Variants in LHFPL6 observed in about 807,000 individuals in gnomAD.
The protein encoded by LHFPL6 is LHFPL tetraspan subfamily member 6 protein.
In LHFPL6, 9 loss-of-function variants were observed where a neutral mutation model predicts 20.6. The observed-to-expected ratio is 0.44, with a 90% CI of 0.26 to 0.76. The LOEUF (loss-of-function observed/expected upper bound fraction) is 0.76, where lower values mean the gene tolerates loss of function less well. Ranked by LOEUF, LHFPL6 falls within the 30% of genes least tolerant of loss-of-function variation. The probability of loss-of-function intolerance (pLI) is 0.20; values close to 1 mark genes in which losing one functional copy is unlikely to be tolerated. For synonymous variants in LHFPL6, 105 were observed against 98.7 expected (o/e 1.06, Z -0.38); for missense variants, 218 against 253.5 (o/e 0.86, Z 0.95).
intron 2 of LHFPL6, among the ~76,000 whole-genome samples, chr13:39,395,379 C>T (rs761481337): frequency 9.2e-5 from 14 of 152,150 alleles, no homozygotes; most frequent in Non-Finnish European, 1.6e-4. Context: ...CATTTAAAGC[C>T]GCTTTTTATG....
intron 2 of LHFPL6, among the ~76,000 whole-genome samples, chr13:39,425,591 T>C (rs1871615747): frequency 6.6e-6 from 1 of 152,170 alleles, no homozygotes; most frequent in South Asian, 2.1e-4. Flanking sequence ...GAAGTGGTAG[T>C]GTATTGTGGT....
chr13:39,510,959 G>A (rs1352037325), intron 2 of LHFPL6, among the ~76,000 whole-genome samples: 3 of 151,366 alleles, frequency 2.0e-5, no homozygotes, highest in Non-Finnish European at 4.4e-5. Context: ...TGCAACCTCC[G>A]CCTCCCAGGT....
intron 2 of LHFPL6, among the ~76,000 whole-genome samples, chr13:39,510,872 A>ATTT (rs71245386): frequency 6.6e-6 from 1 of 150,466 alleles, no homozygotes; most frequent in African/African-American, 2.4e-5. Flanking sequence ...ATTACTTTAA[A>ATTT]TTTTTTTTTT....
chr13:39,429,570 T>G (rs1871733833), intron 2 of LHFPL6, among the ~76,000 whole-genome samples: 1 of 152,228 alleles, frequency 6.6e-6, no homozygotes. Flanking sequence ...AATCTTTGCC[T>G]GTATTTCTAT....
intron 2 of LHFPL6, among the ~76,000 whole-genome samples, chr13:39,462,916 T>C (rs761938772): frequency 1.3e-5 from 2 of 152,152 alleles, no homozygotes; most frequent in Non-Finnish European, 1.5e-5. Context: ...AGGAAAAGGC[T>C]TAGTCAAACC....
intron 2 of LHFPL6, among the ~76,000 whole-genome samples, chr13:39,455,022 A>T (rs1593319006): frequency 1.3e-5 from 2 of 152,060 alleles, no homozygotes; most frequent in East Asian, 3.9e-4. Flanking sequence ...CCACCCTGTG[A>T]GGGTACAGGG....
At chr13:39,466,017 C>T (rs968231086) in intron 2 of LHFPL6, among the ~76,000 whole-genome samples, 1 of 152,040 alleles carries the variant, frequency 6.6e-6, no homozygotes. Flanking sequence ...ATGGTCTTCC[C>T]TGGAGCCCTG....
intron 2 of LHFPL6, among the ~76,000 whole-genome samples, chr13:39,398,412 T>G (rs1870897503): frequency 6.6e-6 from 1 of 152,138 alleles, no homozygotes; most frequent in African/African-American, 2.4e-5. Flanking sequence ...ATTTACCAAA[T>G]AGTAAGAAAG....
chr13:39,501,040 G>C (rs1186072065), intron 2 of LHFPL6, among the ~76,000 whole-genome samples: 2 of 152,106 alleles, frequency 1.3e-5, no homozygotes, highest in Non-Finnish European at 2.9e-5. Context: ...CTCTCCTTTG[G>C]GGACCACTGC....
At chr13:39,602,181 T>C (rs1872973132) in intron 1 of LHFPL6, among the ~76,000 whole-genome samples, 1 of 152,168 alleles carries the variant, frequency 6.6e-6, no homozygotes, top group South Asian at 2.1e-4. Context: ...CAGGGGCATC[T>C]ACTTCCACCC....
chr13:39,575,028 G>A (rs1353398667), intron 2 of LHFPL6, among the ~76,000 whole-genome samples: 5 of 151,864 alleles, frequency 3.3e-5, no homozygotes, highest in Admixed American at 6.6e-5. Flanking sequence ...CCGAGATAGC[G>A]CTACTGCACT....
chr13:39,562,499 T>TACATATATACAC (rs1871542983), intron 2 of LHFPL6, among the ~76,000 whole-genome samples: 3 of 84,678 alleles, frequency 3.5e-5, no homozygotes, highest in Non-Finnish European at 5.2e-5. Flanking sequence ...CACATATACA[T>TACATATATACAC]ATATACATAT....
chr13:39,444,845 A>G (rs895644639), intron 2 of LHFPL6, among the ~76,000 whole-genome samples: 9 of 152,280 alleles, frequency 5.9e-5, no homozygotes, highest in Non-Finnish European at 1.2e-4. Context: ...TAGTGGAGCC[A>G]TGGGAATGGT....
chr13:39,519,373 A>C (rs1870033020), intron 2 of LHFPL6, among the ~76,000 whole-genome samples: 1 of 152,112 alleles, frequency 6.6e-6, no homozygotes, highest in African/African-American at 2.4e-5. Context: ...TTTGAACATA[A>C]TTTTTCAAGG....
intron 2 of LHFPL6, among the ~76,000 whole-genome samples, chr13:39,439,163 G>A (rs984185234): frequency 2.0e-5 from 3 of 152,234 alleles, no homozygotes; most frequent in African/African-American, 7.2e-5. Context: ...AATGGCCCAA[G>A]GCTTTGGGAG....
chr13:39,542,776 C>A (rs73466825), intron 2 of LHFPL6, among the ~76,000 whole-genome samples: 3,817 of 152,272 alleles, frequency 0.025, 165 homozygotes, highest in African/African-American at 0.088. Flanking sequence ...AAATACTTGT[C>A]GAGCCCGTTA....
At chr13:39,378,389 C>A in intron 3 of LHFPL6, 39 bp downstream of exon 3, 1 of 1,540,498 alleles carries the variant, frequency 6.5e-7, no homozygotes, top group Non-Finnish European at 9.0e-7. Context: ...AGATAAGGTT[C>A]TTTTTCTAAA....
intron 2 of LHFPL6, among the ~76,000 whole-genome samples, chr13:39,529,190 C>G (rs1023835665): frequency 6.6e-6 from 1 of 152,086 alleles, no homozygotes; most frequent in Non-Finnish European, 1.5e-5. Context: ...CTCCCAGGTT[C>G]AAGTGATTCT....
At chr13:39,548,205 C>T (rs570168537) in intron 2 of LHFPL6, among the ~76,000 whole-genome samples, 69 of 151,882 alleles carry the variant, frequency 4.5e-4, no homozygotes, top group Non-Finnish European at 6.5e-4. Flanking sequence ...TGGGAAATTA[C>T]CTCCTTCCAA....
Sources: gnomAD v4.1 joint callset for allele counts (sites outside exome capture counted in the v4.1 genomes callset) on GRCh38, gnomAD v4.1.1 for gene constraint, MANE v1.5 for transcripts, NCBI Gene and HGNC (gene_info 2026-07-23, HGNC 2026-07-21) for gene names.